Variants in ZNF276 observed in about 807,000 individuals in gnomAD.
The protein encoded by ZNF276 is zinc finger protein 276.
Under a neutral mutation model 63.9 loss-of-function variants are expected in ZNF276, and 59 were observed. The observed-to-expected ratio is 0.92, with a 90% CI of 0.75 to 1.15. The LOEUF (loss-of-function observed/expected upper bound fraction) is 1.15, where lower values mean the gene tolerates loss of function less well. Ranked by LOEUF, ZNF276 falls within the 50% of genes most tolerant of loss-of-function variation. The probability of loss-of-function intolerance (pLI) is 0.00; values close to 1 mark genes in which losing one functional copy is unlikely to be tolerated. For synonymous variants in ZNF276, 496 were observed against 348.4 expected, an observed-to-expected ratio of 1.42 and a Z score of -4.72; for missense variants, 1,084 against 843.8, an observed-to-expected ratio of 1.28 and a Z score of -3.53.
chr16:89,721,023 GC>G, upstream of ZNF276: 1 of 650,220 alleles, frequency 1.5e-6, no homozygotes, highest in South Asian at 6.3e-5. Flanking sequence ...CGTACTGCGG[GC>G]CCCACGGGTG....
chr16:89,721,597 G>C lies in ZNF276; in HGVS notation c.-44G>C. 1.4e-6 allele frequency: 2 copies of C among 1,467,852 alleles called. No individual in the cohort carries two copies. Among genetic ancestry groups the C allele is most frequent in the Non-Finnish European group, 1.8e-6 (2 of 1,114,358 alleles). 90.9% of individuals were successfully genotyped at this position (1,467,852 alleles called of 1,614,324 possible). ...AACGCCGGGTCCTCTAGGAACCTCG[G>C]GCCGGGCAGCACCCGCGGGATTCTG... On this transcript the variant is annotated 5_prime_UTR_variant, in exon 1 of 11. Transcript: ENST00000443381.
chr16:89,740,891 T>C lies in ZNF276; in HGVS notation c.*2645T>C. The C allele has an allele frequency of 1.9e-6, 3 of 1,590,614 alleles. No homozygotes were observed. Among genetic ancestry groups the C allele is most frequent in the Middle Eastern group, 1.7e-4 (1 of 6,022 alleles). On this transcript the variant is annotated 3_prime_UTR_variant, in exon 11 of 11. Transcript: ENST00000443381. ...GCTGTAAATAAAAACGTGCACTTAT[T>C]ATTACATTAAAATTACCTGTGCTGT...
chr16:89,733,725 T>C (rs1010770371), intron 8 of ZNF276, among the ~76,000 whole-genome samples, 168 bp downstream of exon 8: 11 of 151,944 alleles, frequency 7.2e-5, no homozygotes. Flanking sequence ...GGGGTAGATG[T>C]GAGGCCAGAC....
In ZNF276 at chr16:89,723,688, C is replaced by T; in HGVS notation, c.985C>T (p.Leu329=). 6.2e-7 allele frequency: 1 copy of T among 1,610,806 alleles called. No individual in the cohort carries two copies. Among genetic ancestry groups the T allele is most frequent in the East Asian group, 2.2e-5 (1 of 44,838 alleles). The part of the protein sequence containing the change: ...PRSGFPPQPS[L]PLCRAPGQLG... ...GTCGGGCTTCCCACCTCAGCCAAGC[C>T]TGCCCCTTTGCAGGGCCCCAGGTAG... is the stretch of plus-strand genomic sequence containing the variant. The change falls in exon 4 of 11, where the codon CTG becomes TTG. Residue 329 remains leucine (L), a synonymous_variant. Transcript: ENST00000443381.
intron 4 of ZNF276, among the ~76,000 whole-genome samples, chr16:89,724,131 G>A (rs139231287): frequency 3.6e-3 from 548 of 152,362 alleles, no homozygotes; most frequent in African/African-American, 0.012. Context: ...CCAGCCGCCT[G>A]GTGACACCCT....
chr16:89,739,507 G>T lies in ZNF276; in HGVS notation c.*1261G>T. The T allele has an allele frequency of 2.6e-6, 4 of 1,551,404 alleles. No homozygotes were observed. Among genetic ancestry groups the T allele is most frequent in the South Asian group, 1.2e-5 (1 of 84,080 alleles). On this transcript the variant is annotated 3_prime_UTR_variant, in exon 11 of 11. Coordinates refer to ENST00000443381, the MANE Select transcript of ZNF276 (RefSeq NM_001113525.2). ...AAAAAGCGAAAGGCAGCAGCCTGGT[G>T]TGCTGATCCGGGGCCACACGGAGGA...
chr16:89,730,590 G>A (rs1373635375), intron 6 of ZNF276, among the ~76,000 whole-genome samples: 1 of 152,210 alleles, frequency 6.6e-6, no homozygotes, highest in African/African-American at 2.4e-5. Context: ...TGCAGACAAA[G>A]ACGTGCTTTG....
chr16:89,722,201 C>T (rs576513632), intron 1 of ZNF276, among the ~76,000 whole-genome samples: 1 of 152,210 alleles, frequency 6.6e-6, no homozygotes. Context: ...AATTGGCAGA[C>T]AGGAAACCGC....
Position 89,737,680 on chromosome 16 carries a change from G to A in ZNF276, c.1475-126G>A. On this transcript the variant is annotated intron_variant, in intron 9 of 10. Coordinates refer to ENST00000443381, the MANE Select transcript of ZNF276 (RefSeq NM_001113525.2). Reference sequence around the variant, plus strand: ...AGGCCCTCATAGGCCCCTTGCTTGGGCCCACTGCATGGTGAACCATGTGCA... The same window carrying A: ...AGGCCCTCATAGGCCCCTTGCTTGGACCCACTGCATGGTGAACCATGTGCA... The A allele has an allele frequency of 2.0e-6, 3 of 1,535,858 alleles. No individual in the cohort carries two copies. The South Asian group carries it at 3.8e-5, about 19-fold the overall frequency.
In ZNF276 at chr16:89,738,600, G is replaced by C; in HGVS notation, c.*354G>C. On this transcript the variant is annotated 3_prime_UTR_variant, in exon 11 of 11. Coordinates refer to ENST00000443381, the MANE Select transcript of ZNF276 (RefSeq NM_001113525.2). ...GGGCTGGTGTGCAGTGGCAGGTCCC[G>C]TCAGAAGAGATGAGGCTCCTGGGAC... is the stretch of plus-strand genomic sequence containing the variant. The C allele has an allele frequency of 6.2e-7, 1 of 1,612,908 alleles. No homozygotes were observed.
At chr16:89,737,386 TG>T (rs17227466) in intron 9 of ZNF276, among the ~76,000 whole-genome samples, 1 of 151,744 alleles carries the variant, frequency 6.6e-6, no homozygotes, top group Non-Finnish European at 1.5e-5. Flanking sequence ...CTGGGCGTGG[TG>T]GGGGGCGCCT....
chr16:89,738,733 G>A lies in ZNF276; in HGVS notation c.*487G>A, dbSNP rs1276262157. 1 of 1,613,094 alleles carries A rather than the reference G, an allele frequency of 6.2e-7. No individual in the cohort carries two copies. Among genetic ancestry groups the A allele is most frequent in the South Asian group, 1.1e-5 (1 of 91,004 alleles). On this transcript the variant is annotated 3_prime_UTR_variant, in exon 11 of 11. Coordinates refer to ENST00000443381, the MANE Select transcript of ZNF276 (RefSeq NM_001113525.2). Reference sequence around the variant, plus strand: ...GCTGTGAGAGAGGAGCAGGTCCTCAGCCCATGCCGCCCACTAGGCCTCAGA... The same window carrying A: ...GCTGTGAGAGAGGAGCAGGTCCTCAACCCATGCCGCCCACTAGGCCTCAGA...
chr16:89,729,187 C>T (rs781742070), intron 5 of ZNF276, 48 bp from the exon 6 acceptor site: 1 of 1,542,538 alleles, frequency 6.5e-7, no homozygotes, highest in Non-Finnish European at 9.0e-7. Flanking sequence ...TTGGGTCTGT[C>T]ACTGCCCAGG....
At position 89,724,560 on chromosome 16, in the gene ZNF276, T is replaced by C. The variant is rs553323401; in HGVS notation, c.1006+851T>C. Among the ~76,000 whole-genome samples the C allele has an allele frequency of 2.0e-5, 3 of 152,298 alleles. No homozygotes were observed. The East Asian group carries it at 5.8e-4, about 29-fold the overall frequency. ...TACTCTGGAGGCTGAGGCACGAGAATCACTTCAGCCTGGGAGGCGGAAGTT... is the reference window on the plus strand; with the variant it reads ...TACTCTGGAGGCTGAGGCACGAGAACCACTTCAGCCTGGGAGGCGGAAGTT... On this transcript the variant is annotated intron_variant, in intron 4 of 10. Coordinates refer to ENST00000443381, the MANE Select transcript of ZNF276 (RefSeq NM_001113525.2).
chr16:89,720,650 G>A (rs2061236204), upstream of ZNF276: 4 of 1,230,640 alleles, frequency 3.3e-6, no homozygotes, highest in African/African-American at 1.6e-5. Flanking sequence ...GATCCCGGCT[G>A]GCGCCCGCTC....
Position 89,738,325 on chromosome 16 carries a change from G to T in ZNF276, c.*79G>T, listed in dbSNP as rs1012078925. 4.6e-6 allele frequency: 7 copies of T among 1,508,904 alleles called. No homozygotes were observed. Among genetic ancestry groups the T allele is most frequent in the African/African-American group, 1.4e-5 (1 of 72,436 alleles). 93.5% of individuals were successfully genotyped at this position (1,508,904 alleles called of 1,614,324 possible). A position where few individuals can be genotyped will look rare whatever the true frequency, so the allele number is the denominator to read the frequency against. On this transcript the variant is annotated 3_prime_UTR_variant, in exon 11 of 11. Coordinates refer to ENST00000443381, the MANE Select transcript of ZNF276 (RefSeq NM_001113525.2). ...TCAGCCTCACCCTTCGTGTGCACCC[G>T]CATGGGAGGGTCGGAGGGTGCTGCC...
chr16:89,725,088 AT>A, intron 4 of ZNF276, among the ~76,000 whole-genome samples: 1 of 150,140 alleles, frequency 6.7e-6, no homozygotes, highest in Admixed American at 6.6e-5. Context: ...TAATTTTTGT[AT>A]TTTTAGTAGA....
rs2062016220 is a variant in ZNF276 at position 89,738,257 on chromosome 16, G to A, written c.*11G>A. 2.5e-6 allele frequency: 4 copies of A among 1,588,716 alleles called. No homozygotes were observed. Among genetic ancestry groups the A allele is most frequent in the African/African-American group, 2.7e-5 (2 of 74,218 alleles). On this transcript the variant is annotated 3_prime_UTR_variant, in exon 11 of 11. Coordinates refer to ENST00000443381, the MANE Select transcript of ZNF276 (RefSeq NM_001113525.2). ...CCCGAACCCACCTGAGGACGGCAGT[G>A]AGGATGAGCACCTCTAGCAGCCTGG...
Position 89,739,953 on chromosome 16 carries a change from A to T in ZNF276, c.*1707A>T. The T allele has an allele frequency of 6.2e-7, 1 of 1,611,796 alleles. No homozygotes were observed. Among genetic ancestry groups the T allele is most frequent in the Non-Finnish European group, 8.5e-7 (1 of 1,178,052 alleles). Reference sequence around the variant, plus strand: ...CCATTTGCAAGATGCCTCTGAAAAGAGCGGCCCTCCGCATTTGTGCCTCAG... The same window carrying T: ...CCATTTGCAAGATGCCTCTGAAAAGTGCGGCCCTCCGCATTTGTGCCTCAG... On this transcript the variant is annotated 3_prime_UTR_variant, in exon 11 of 11. Coordinates refer to ENST00000443381, the MANE Select transcript of ZNF276 (RefSeq NM_001113525.2).
Sources: gnomAD v4.1 joint callset for allele counts (sites outside exome capture counted in the v4.1 genomes callset) on GRCh38, gnomAD v4.1.1 for gene constraint, MANE v1.5 for transcripts, NCBI Gene and HGNC (gene_info 2026-07-23, HGNC 2026-07-21) for gene names.